The following CNTNAP2 variants were observed in gnomAD, a reference collection of about 807,000 sequenced individuals.
CNTNAP2 encodes the protein contactin associated protein 2, also known as contactin-associated protein-like 2.
CNTNAP2 carries 98 observed loss-of-function variants against 155.2 expected under a neutral mutation model. The ratio of observed to expected loss-of-function variants is 0.63; its 90% confidence interval spans 0.54 to 0.75. The LOEUF (loss-of-function observed/expected upper bound fraction) is 0.75, where lower values mean the gene tolerates loss of function less well. CNTNAP2 is among the 30% of genes least tolerant of loss of function. The pLI is 0.00. For synonymous variants in CNTNAP2, 651 were observed against 631.2 expected (o/e 1.03, Z -0.47); for missense variants, 1,727 against 1,688.1 (o/e 1.02, Z -0.40).
intron 21 of CNTNAP2, among the ~76,000 whole-genome samples, chr7:148,349,725 G>A (rs1483836386): frequency 6.6e-6 from 1 of 152,066 alleles, no homozygotes; most frequent in East Asian, 1.9e-4. Context: ...TTTTAAGAAA[G>A]TTTACAAATT....
At chr7:148,039,388 A>T (rs1802628178) in intron 15 of CNTNAP2, among the ~76,000 whole-genome samples, 1 of 152,052 alleles carries the variant, frequency 6.6e-6, no homozygotes, top group Admixed American at 6.6e-5. Flanking sequence ...ATGAGGGAGG[A>T]TCTTCCTCAC....
At chr7:147,124,785 C>A (rs150877857) in intron 6 of CNTNAP2, among the ~76,000 whole-genome samples, 382 of 151,804 alleles carry the variant, frequency 2.5e-3, no homozygotes, top group African/African-American at 8.8e-3. Flanking sequence ...ATATACTTAC[C>A]ACAATTTCTG....
chr7:146,169,242 G>A (rs1357345330), intron 1 of CNTNAP2, among the ~76,000 whole-genome samples: 4 of 152,000 alleles, frequency 2.6e-5, no homozygotes, highest in African/African-American at 9.7e-5. Context: ...TACTGTCTCT[G>A]CTATTAGAAT....
chr7:147,644,758 G>A (rs1200508329), intron 13 of CNTNAP2, among the ~76,000 whole-genome samples: 8 of 152,022 alleles, frequency 5.3e-5, no homozygotes, highest in Non-Finnish European at 1.2e-4. Context: ...TCTGTATTTG[G>A]ACAAGAACTA....
chr7:146,846,244 G>A (rs1439602331), intron 3 of CNTNAP2, among the ~76,000 whole-genome samples: 1 of 152,066 alleles, frequency 6.6e-6, no homozygotes, highest in Non-Finnish European at 1.5e-5. Context: ...CATTCCTGCT[G>A]CCATCAGTTA....
chr7:148,400,995 A>G (rs1004387739), intron 22 of CNTNAP2, among the ~76,000 whole-genome samples: 2 of 150,208 alleles, frequency 1.3e-5, no homozygotes, highest in East Asian at 3.9e-4. Context: ...AAAAAAAAAG[A>G]TTTGTTATGC....
At chr7:146,423,084 T>C (rs1796035632) in intron 1 of CNTNAP2, among the ~76,000 whole-genome samples, 1 of 152,094 alleles carries the variant, frequency 6.6e-6, no homozygotes, top group Non-Finnish European at 1.5e-5. Context: ...CCTTTTCATA[T>C]GGATTCTCTA....
At chr7:146,865,433 G>C (rs1043609232) in intron 3 of CNTNAP2, among the ~76,000 whole-genome samples, 3 of 152,092 alleles carry the variant, frequency 2.0e-5, no homozygotes, top group Non-Finnish European at 2.9e-5. Context: ...AGATAGTCTT[G>C]TATAGCTGTA....
intron 8 of CNTNAP2, among the ~76,000 whole-genome samples, chr7:147,224,206 T>C (rs1485261653): frequency 6.6e-6 from 1 of 152,210 alleles, no homozygotes; most frequent in Non-Finnish European, 1.5e-5. Context: ...TTTGCTCTGC[T>C]TTTTATGTGT....
intron 13 of CNTNAP2, among the ~76,000 whole-genome samples, chr7:147,872,675 C>T (rs955645238): frequency 3.9e-5 from 6 of 152,198 alleles, no homozygotes; most frequent in African/African-American, 1.2e-4. Flanking sequence ...ATTCATTATA[C>T]TATGAAGCTT....
intron 3 of CNTNAP2, among the ~76,000 whole-genome samples, chr7:146,873,530 G>GTGTAGAACTGGAAGTC (rs1795358019): frequency 2.0e-5 from 3 of 151,832 alleles, no homozygotes; most frequent in Admixed American, 6.6e-5. Context: ...AACTGGAAGT[G>GTGTAGAACTGGAAGTC]CATGCGATTC....
intron 10 of CNTNAP2, among the ~76,000 whole-genome samples, chr7:147,416,878 C>G (rs962884867): frequency 1.3e-5 from 2 of 151,930 alleles, no homozygotes; most frequent in African/African-American, 4.8e-5. Context: ...CACCTGAGTT[C>G]AGGAGTTTGA....
At chr7:146,386,419 A>G (rs529779741) in intron 1 of CNTNAP2, among the ~76,000 whole-genome samples, 1 of 152,188 alleles carries the variant, frequency 6.6e-6, no homozygotes, top group South Asian at 2.1e-4. Flanking sequence ...AACAGAGTCT[A>G]GCTCTGTCGC....
intron 4 of CNTNAP2, among the ~76,000 whole-genome samples, chr7:147,061,194 C>T (rs1218717564): frequency 3.9e-5 from 6 of 152,018 alleles, no homozygotes; most frequent in South Asian, 2.1e-4. Flanking sequence ...TAGGAATGTG[C>T]TACACACCAT....
At chr7:148,270,799 G>T (rs1159803812) in intron 21 of CNTNAP2, among the ~76,000 whole-genome samples, 1 of 152,202 alleles carries the variant, frequency 6.6e-6, no homozygotes, top group Non-Finnish European at 1.5e-5. Flanking sequence ...GAGCTTGTTA[G>T]ACTGGAATCC....
intron 13 of CNTNAP2, among the ~76,000 whole-genome samples, chr7:147,759,221 T>A (rs902091991): frequency 6.6e-6 from 1 of 152,164 alleles, no homozygotes; most frequent in Non-Finnish European, 1.5e-5. Flanking sequence ...TAAAAAGAAA[T>A]TATGTTCAAT....
At chr7:147,000,437 ATTC>A (rs1313463628) in intron 3 of CNTNAP2, among the ~76,000 whole-genome samples, 4 of 151,922 alleles carry the variant, frequency 2.6e-5, no homozygotes, top group Non-Finnish European at 4.4e-5. Context: ...TTTCCTGATT[ATTC>A]TTGATTTTTT....
At chr7:147,914,383 A>G (rs1180466351) in intron 14 of CNTNAP2, among the ~76,000 whole-genome samples, 6 of 152,048 alleles carry the variant, frequency 3.9e-5, no homozygotes, top group Admixed American at 3.9e-4. Flanking sequence ...TCTACTAAAA[A>G]TACAAAATTA....
intron 1 of CNTNAP2, among the ~76,000 whole-genome samples, chr7:146,476,343 A>G (rs17170115): frequency 0.077 from 11,680 of 152,286 alleles, 484 homozygotes; most frequent in Non-Finnish European, 0.094. Context: ...TTTCAACAAA[A>G]GGAAAATTAT....
Sources: allele counts gnomAD v4.1 joint callset (sites outside exome capture counted in the v4.1 genomes callset), GRCh38; gene constraint gnomAD v4.1.1; transcripts MANE v1.5; gene names NCBI Gene and HGNC (gene_info 2026-07-23, HGNC 2026-07-21).